The following CLSTN2 variants were observed in gnomAD, a reference collection of about 807,000 sequenced individuals.
CLSTN2 encodes the protein calsyntenin-2.
A neutral mutation model predicts 101.2 loss-of-function variants in CLSTN2; 48 were observed. The observed-to-expected ratio is 0.47, with a 90% CI of 0.38 to 0.60. CLSTN2 has a LOEUF of 0.60. Ranked by LOEUF, CLSTN2 falls within the 20% of genes least tolerant of loss-of-function variation. CLSTN2 has a pLI of 0.00. For missense variants in CLSTN2, 1,160 were observed against 1,238.2 expected, an observed-to-expected ratio of 0.94 and a Z score of 0.95; for synonymous variants, 481 against 463.6, an observed-to-expected ratio of 1.04 and a Z score of -0.48.
intron 2 of CLSTN2, among the ~76,000 whole-genome samples, chr3:140,208,864 A>C (rs2010818233): frequency 6.6e-6 from 1 of 152,170 alleles, no homozygotes; most frequent in African/African-American, 2.4e-5. Context: ...CAGTACTTAC[A>C]TGCTGCTGTA....
intron 1 of CLSTN2, among the ~76,000 whole-genome samples, chr3:140,041,314 T>A (rs2007757597): frequency 6.6e-6 from 1 of 152,118 alleles, no homozygotes; most frequent in African/African-American, 2.4e-5. Flanking sequence ...CAGTGACCAT[T>A]TGGTGCATGT....
intron 8 of CLSTN2, 35 bp downstream of exon 8, chr3:140,466,766 GC>G (rs1486366004): frequency 8.7e-6 from 14 of 1,612,616 alleles, no homozygotes; most frequent in Admixed American, 8.3e-5. Context: ...TGCTACTCAT[GC>G]CTCTGCGGGG....
intron 1 of CLSTN2, among the ~76,000 whole-genome samples, chr3:140,093,392 C>T (rs116290911): frequency 0.01 from 1,539 of 152,196 alleles, 28 homozygotes; most frequent in African/African-American, 0.036. Flanking sequence ...TTTCATCCTA[C>T]CCCCCAGTTA....
At chr3:140,238,198 G>GA (rs1268192526) in intron 2 of CLSTN2, among the ~76,000 whole-genome samples, 1 of 152,138 alleles carries the variant, frequency 6.6e-6, no homozygotes, top group East Asian at 1.9e-4. Context: ...GGGGCCACAG[G>GA]ATAGATTTCC....
At chr3:140,089,513 A>G (rs1299057363) in intron 1 of CLSTN2, among the ~76,000 whole-genome samples, 1 of 152,172 alleles carries the variant, frequency 6.6e-6, no homozygotes, top group African/African-American at 2.4e-5. Context: ...CTAAACTCCC[A>G]AAGCAGTAAA....
At chr3:140,112,823 A>G (rs2009178537) in intron 1 of CLSTN2, among the ~76,000 whole-genome samples, 1 of 151,982 alleles carries the variant, frequency 6.6e-6, no homozygotes, top group Non-Finnish European at 1.5e-5. Context: ...AAATTTGAAA[A>G]CCTCTCTCTG....
At chr3:140,467,207 G>A (rs1933729492) in intron 8 of CLSTN2, among the ~76,000 whole-genome samples, 1 of 152,146 alleles carries the variant, frequency 6.6e-6, no homozygotes, top group Non-Finnish European at 1.5e-5. Context: ...TTTCTGAAGT[G>A]GAAAAATCTG....
At chr3:140,106,398 C>A (rs1430301166) in intron 1 of CLSTN2, among the ~76,000 whole-genome samples, 6 of 152,202 alleles carry the variant, frequency 3.9e-5, no homozygotes, top group African/African-American at 1.4e-4. Flanking sequence ...GGGTCTTGAA[C>A]CTGAACCATG....
At chr3:140,478,001 C>G (rs1238775595) in intron 8 of CLSTN2, among the ~76,000 whole-genome samples, 3 of 152,174 alleles carry the variant, frequency 2.0e-5, no homozygotes, top group Non-Finnish European at 4.4e-5. Flanking sequence ...GGAATACTTT[C>G]CTGTAACTTC....
intron 4 of CLSTN2, 86 bp downstream of exon 4, chr3:140,404,852 G>A (rs1371526138): frequency 6.0e-6 from 7 of 1,160,338 alleles, no homozygotes; most frequent in Non-Finnish European, 9.0e-6. Context: ...CTCTGAATAT[G>A]CTTGGCAAGT....
intron 12 of CLSTN2, among the ~76,000 whole-genome samples, chr3:140,560,613 T>C (rs1371536391): frequency 6.6e-6 from 1 of 152,156 alleles, no homozygotes. Flanking sequence ...CCATGGCCGA[T>C]TTGCCTCTGG....
intron 2 of CLSTN2, among the ~76,000 whole-genome samples, chr3:140,325,213 A>G (rs1357617044): frequency 6.6e-6 from 1 of 152,180 alleles, no homozygotes; most frequent in Non-Finnish European, 1.5e-5. Context: ...TTAAAGTTCT[A>G]AGGATGCCTC....
chr3:140,427,195 A>ATATATGTGTGTGTGTG lies in CLSTN2; in HGVS notation c.787+5926_787+5927insGTGTGTGTGTGTATAT, dbSNP rs2088577653. Reference sequence around the variant, plus strand: ...TCTCAAAAAAAAAAAATATATATATATATATATATGTGTATATATATATAT... The same window carrying ATATATGTGTGTGTGTG: ...TCTCAAAAAAAAAAAATATATATATATATATGTGTGTGTGTGTATATATATGTGTATATATATATAT... On this transcript the variant is annotated intron_variant, in intron 5 of 16. Coordinates refer to ENST00000458420, the MANE Select transcript of CLSTN2 (RefSeq NM_022131.3). 4.5e-5 allele frequency among the ~76,000 whole-genome samples: 4 copies of ATATATGTGTGTGTGTG among 88,860 alleles called. 1 individual carries two copies. The highest frequency in any genetic ancestry group is 2.3e-4 in the African/African-American group (4 of 17,680). The allele number at this position is 88,860 out of a possible 152,430, so 58.3% of individuals were successfully genotyped here. A position where few individuals can be genotyped will look rare whatever the true frequency, so the allele number is the denominator to read the frequency against.
chr3:140,427,201 ATATG>A (rs1559866697), intron 5 of CLSTN2, among the ~76,000 whole-genome samples: 11 of 101,970 alleles, frequency 1.1e-4, no homozygotes, highest in African/African-American at 5.8e-4. Context: ...ATATATATAT[ATATG>A]TGTATATATA....
intron 1 of CLSTN2, among the ~76,000 whole-genome samples, chr3:140,079,787 G>A (rs1179134785): frequency 1.3e-5 from 2 of 148,678 alleles, no homozygotes; most frequent in Non-Finnish European, 3.0e-5. Context: ...AAGAAACTAG[G>A]GTGGATGAGA....
intron 2 of CLSTN2, among the ~76,000 whole-genome samples, chr3:140,203,325 T>C (rs983759081): frequency 6.6e-6 from 1 of 152,084 alleles, no homozygotes; most frequent in Non-Finnish European, 1.5e-5. Context: ...TTGAACTTGC[T>C]CAGTAGAAAA....
At position 140,456,905 on chromosome 3, in the gene CLSTN2, C is replaced by A. The variant is rs1192782385; in HGVS notation, c.974-2616C>A. Among the ~76,000 whole-genome samples, 8 of 152,132 alleles carry A rather than the reference C, an allele frequency of 5.3e-5. No homozygotes were observed. The South Asian group carries it at 8.3e-4, about 16-fold the overall frequency. On this transcript the variant is annotated intron_variant, in intron 6 of 16. Transcript: ENST00000458420. ...TTTTGTAACCAATTTTGTCTCCCAA[C>A]CTTCCCTTGATGTCATCCCCCATCA...
intron 1 of CLSTN2, among the ~76,000 whole-genome samples, chr3:140,155,355 C>T (rs773619361): frequency 6.6e-6 from 1 of 152,144 alleles, no homozygotes; most frequent in African/African-American, 2.4e-5. Context: ...TAGGAAAAAG[C>T]AGAAATCAAG....
intron 1 of CLSTN2, among the ~76,000 whole-genome samples, chr3:139,940,903 G>A (rs552375310): frequency 4.1e-4 from 63 of 152,084 alleles, no homozygotes; most frequent in Non-Finnish European, 7.9e-4. Flanking sequence ...TGCCAGAGGT[G>A]TGGGAGGTTC....
Sources: gnomAD v4.1 joint callset for allele counts (sites outside exome capture counted in the v4.1 genomes callset) on GRCh38, gnomAD v4.1.1 for gene constraint, MANE v1.5 for transcripts, NCBI Gene and HGNC (gene_info 2026-07-23, HGNC 2026-07-21) for gene names.